Variants in SLC17A1 observed in about 807,000 individuals in gnomAD.
The protein encoded by SLC17A1 is solute carrier family 17 member 1, also known as sodium-dependent phosphate transport protein 1.
In SLC17A1, 51 loss-of-function variants were observed where a neutral mutation model predicts 53.5. The observed-to-expected ratio is 0.95, with a 90% CI of 0.76 to 1.20. The LOEUF is 1.20. Ranked by LOEUF, SLC17A1 falls within the 50% of genes most tolerant of loss-of-function variation. SLC17A1 has a pLI of 0.00. For missense variants in SLC17A1, 538 were observed against 568.2 expected, an observed-to-expected ratio of 0.95 and a Z score of 0.54; for synonymous variants, 179 against 198.8, an observed-to-expected ratio of 0.90 and a Z score of 0.84.
At chr6:25,815,713 G>A (rs897428077) in intron 6 of SLC17A1, among the ~76,000 whole-genome samples, 6 of 152,016 alleles carry the variant, frequency 3.9e-5, no homozygotes, top group Admixed American at 2.0e-4. Flanking sequence ...GCGTGGCCTC[G>A]GAACTTCCAC....
At chr6:25,791,509 G>C (rs943026692) in intron 12 of SLC17A1, among the ~76,000 whole-genome samples, 1 of 152,072 alleles carries the variant, frequency 6.6e-6, no homozygotes, top group African/African-American at 2.4e-5. Flanking sequence ...AGTCAGAGAG[G>C]AAAACGCAAA....
At chr6:25,809,184 T>C (rs998326023) in intron 10 of SLC17A1, among the ~76,000 whole-genome samples, 1 of 152,064 alleles carries the variant, frequency 6.6e-6, no homozygotes. Context: ...AGTTATAAAG[T>C]AAGAACTAAA....
chr6:25,805,933 C>T (rs1186365346), intron 10 of SLC17A1, among the ~76,000 whole-genome samples: 1 of 152,034 alleles, frequency 6.6e-6, no homozygotes, highest in Non-Finnish European at 1.5e-5. Context: ...AGATTCACAG[C>T]TAAATTCTAC....
intron 6 of SLC17A1, among the ~76,000 whole-genome samples, chr6:25,815,728 C>T (rs897535137): frequency 2.0e-5 from 3 of 152,100 alleles, no homozygotes; most frequent in African/African-American, 7.2e-5. Context: ...TTCCACTCTC[C>T]AGGAGTGGTC....
At chr6:25,744,390 TAA>T in the SLC17A1 span, among the ~76,000 whole-genome samples, 1 of 152,206 alleles carries the variant, frequency 6.6e-6, no homozygotes, top group Admixed American at 6.5e-5. Flanking sequence ...AGCAGTCACT[TAA>T]TCTTAATCTC....
chr6:25,762,115 T>G, the SLC17A1 span: 1 of 1,433,606 alleles, frequency 7.0e-7, no homozygotes, highest in African/African-American at 1.4e-5. Flanking sequence ...CTGTAACTTG[T>G]GGTACTAAAT....
chr6:25,732,398 C>A, the SLC17A1 span: 1 of 266,558 alleles, frequency 3.8e-6, no homozygotes, highest in South Asian at 4.9e-5. Context: ...GCTGAGTACC[C>A]GTTTTAACGG....
At chr6:25,812,759 G>T in intron 8 of SLC17A1, 72 bp downstream of exon 8, 2 of 1,139,956 alleles carry the variant, frequency 1.8e-6, no homozygotes, top group African/African-American at 1.6e-5. Flanking sequence ...CTGCGACTAG[G>T]GTCGTTAGAG....
At chr6:25,831,099 G>A (rs1164073109) in intron 1 of SLC17A1, among the ~76,000 whole-genome samples, 1 of 152,156 alleles carries the variant, frequency 6.6e-6, no homozygotes, top group African/African-American at 2.4e-5. Context: ...TTATTGATAA[G>A]ATCAACTCAA....
At chr6:25,770,994 T>TA in the SLC17A1 span, 1 of 1,613,726 alleles carries the variant, frequency 6.2e-7, no homozygotes, top group Non-Finnish European at 8.5e-7. Context: ...AGGATGGCCT[T>TA]ACGTCTTCTA....
chr6:25,726,023 G>T, the SLC17A1 span: 6 of 965,416 alleles, frequency 6.2e-6, no homozygotes, highest in Non-Finnish European at 7.6e-6. Context: ...CTGGTTAACA[G>T]CAGTAACGTT....
At chr6:25,766,985 A>G in the SLC17A1 span, among the ~76,000 whole-genome samples, 2 of 152,172 alleles carry the variant, frequency 1.3e-5, no homozygotes, top group Non-Finnish European at 2.9e-5. Context: ...TTAATAATAT[A>G]TCACTGCAGG....
chr6:25,727,247 G>A, the SLC17A1 span: 2 of 1,612,352 alleles, frequency 1.2e-6, no homozygotes, highest in African/African-American at 1.3e-5. Flanking sequence ...AACATGCTGT[G>A]TCTGAGGGCA....
chr6:25,811,439 G>A lies in SLC17A1; in HGVS notation c.1137C>T (p.Cys379=). Residue 379 remains cysteine (C), a synonymous_variant, in exon 10 of 13, where the codon TGC becomes TGT. Coordinates refer to ENST00000244527, the MANE Select transcript of SLC17A1 (RefSeq NM_005074.5). ...LILAGATGSF[C]LGGVFINGLD... Reference sequence around the variant, plus strand: ...AGCCATTTATAAACACTCCACCCAAGCAAAAGCTGCCTGTTGCACCAGCAA... The same window carrying A: ...AGCCATTTATAAACACTCCACCCAAACAAAAGCTGCCTGTTGCACCAGCAA... 6.2e-7 allele frequency: 1 copy of A among 1,613,806 alleles called. No individual in the cohort carries two copies. Among genetic ancestry groups the A allele is most frequent in the Non-Finnish European group, 8.5e-7 (1 of 1,179,856 alleles).
At chr6:25,830,929 G>A (rs1354553291) in intron 1 of SLC17A1, among the ~76,000 whole-genome samples, 2 of 152,166 alleles carry the variant, frequency 1.3e-5, no homozygotes, top group African/African-American at 4.8e-5. Flanking sequence ...TGCCCTGTAA[G>A]GAACACTAAA....
chr6:25,806,109 A>G (rs887288412), intron 10 of SLC17A1, among the ~76,000 whole-genome samples: 1 of 152,140 alleles, frequency 6.6e-6, no homozygotes, highest in African/African-American at 2.4e-5. Flanking sequence ...CCTGATGAAC[A>G]TAGATGAAAA....
At chr6:25,777,166 A>G in the SLC17A1 span, 10 of 559,678 alleles carry the variant, frequency 1.8e-5, no homozygotes, top group African/African-American at 1.5e-4. Flanking sequence ...GGCGTGAACA[A>G]GAGGAGTCAG....
chr6:25,777,931 C>T, downstream of SLC17A1: 3 of 1,612,782 alleles, frequency 1.9e-6, no homozygotes, highest in Non-Finnish European at 2.5e-6. Context: ...CTCAGGTACA[C>T]TGGCTTTCTC....
At chr6:25,730,738 C>G in the SLC17A1 span, among the ~76,000 whole-genome samples, 1 of 152,138 alleles carries the variant, frequency 6.6e-6, no homozygotes, top group African/African-American at 2.4e-5. Context: ...ACAGTAAATA[C>G]ACAATTTTTG....
Sources: allele counts gnomAD v4.1 joint callset (sites outside exome capture counted in the v4.1 genomes callset), GRCh38; gene constraint gnomAD v4.1.1; transcripts MANE v1.5; gene names NCBI Gene and HGNC (gene_info 2026-07-23, HGNC 2026-07-21).